SPTLC3: variants seen among roughly 807,000 people sequenced by gnomAD.
SPTLC3 encodes the protein serine palmitoyltransferase long chain base subunit 3.
A neutral mutation model predicts 59.3 loss-of-function variants in SPTLC3; 36 were observed. The ratio of observed to expected loss-of-function variants is 0.61; its 90% CI spans 0.47 to 0.80. The LOEUF is 0.80. SPTLC3 is among the 30% of genes least tolerant of loss of function. SPTLC3 has a pLI of 0.00. For synonymous variants in SPTLC3, 257 were observed against 240.8 expected (o/e 1.07, Z -0.62); for missense variants, 625 against 685.1 (o/e 0.91, Z 0.98).
chr20:13,129,352 C>A (rs1040687568), intron 9 of SPTLC3, among the ~76,000 whole-genome samples: 2 of 152,202 alleles, frequency 1.3e-5, no homozygotes, highest in African/African-American at 4.8e-5. Flanking sequence ...AGAGTGGCAT[C>A]TTTTCCTCCA....
At chr20:13,090,159 A>G (rs569694597) in intron 4 of SPTLC3, among the ~76,000 whole-genome samples, 1 of 152,318 alleles carries the variant, frequency 6.6e-6, no homozygotes, top group South Asian at 2.1e-4. Flanking sequence ...GCATAAGGGG[A>G]TTATGTTTAA....
intron 2 of SPTLC3, among the ~76,000 whole-genome samples, chr20:13,065,169 T>C (rs1481157448): frequency 6.6e-6 from 1 of 151,968 alleles, no homozygotes; most frequent in African/African-American, 2.4e-5. Flanking sequence ...TTATTAATTG[T>C]CATATTTAAC....
chr20:13,072,167 G>A, intron 2 of SPTLC3, 89 bp from the exon 3 acceptor site: 1 of 1,397,760 alleles, frequency 7.2e-7, no homozygotes, highest in South Asian at 1.4e-5. Flanking sequence ...TATTTCCACA[G>A]CTCTTCCAGG....
At chr20:13,132,393 T>C (rs1424176882) in intron 9 of SPTLC3, among the ~76,000 whole-genome samples, 1 of 152,042 alleles carries the variant, frequency 6.6e-6, no homozygotes, top group Non-Finnish European at 1.5e-5. Context: ...GCCGGGCTGA[T>C]CTTGAGCTCC....
chr20:13,046,371 C>G (rs1987232377), intron 1 of SPTLC3, among the ~76,000 whole-genome samples: 1 of 152,200 alleles, frequency 6.6e-6, no homozygotes, highest in Admixed American at 6.5e-5. Context: ...TGTCTTCTCT[C>G]CAAAAAGCAG....
intron 1 of SPTLC3, among the ~76,000 whole-genome samples, chr20:13,024,203 T>C (rs559171419): frequency 6.6e-6 from 1 of 152,290 alleles, no homozygotes; most frequent in Admixed American, 6.5e-5. Context: ...TTGCCTGAGA[T>C]AAAACATATA....
rs2038628780 is a variant in SPTLC3 at position 13,150,963 on chromosome 20, T to C, written c.1280-3040T>C. Among the ~76,000 whole-genome samples the C allele has an allele frequency of 1.3e-5, 2 of 152,230 alleles. 1 individual carries two copies. Among genetic ancestry groups the C allele is most frequent in the South Asian group, 4.1e-4 (2 of 4,834 alleles). ...TCTTATGAGCTCTCATAACACCAGATAACATTTCTCTACACTGTGCATCCC... is the reference window on the plus strand; with the variant it reads ...TCTTATGAGCTCTCATAACACCAGACAACATTTCTCTACACTGTGCATCCC... On this transcript the variant is annotated intron_variant, in intron 9 of 11. Coordinates refer to ENST00000399002, the MANE Select transcript of SPTLC3 (RefSeq NM_018327.4).
At chr20:13,121,725 AG>A (rs1349969979) in intron 8 of SPTLC3, among the ~76,000 whole-genome samples, 4 of 152,174 alleles carry the variant, frequency 2.6e-5, no homozygotes, top group African/African-American at 9.7e-5. Context: ...GACACTCTCC[AG>A]AAGTTACTCA....
chr20:13,049,097 A>T lies in SPTLC3; in HGVS notation c.270A>T (p.Lys90Asn), dbSNP rs751802074. The T allele has an allele frequency of 2.5e-6, 4 of 1,613,730 alleles. No homozygotes were observed. The African/African-American group carries it at 5.3e-5, about 22-fold the overall frequency. ...RDFLRNWGIE[K>N]CNAAVERKEQ... ...TTTTAAGAAACTGGGGAATAGAAAA[A>T]TGCAACGCAGCTGTGGAAAGAAAAG... is the stretch of plus-strand genomic sequence containing the variant. Residue 90 changes from lysine (K) to asparagine (N), a missense_variant, in exon 2 of 12, where the codon AAA becomes AAT. By Grantham distance (94) the Lys-to-Asn change is moderately conservative (BLOSUM62 0). Transcript: ENST00000399002.
intron 7 of SPTLC3, among the ~76,000 whole-genome samples, chr20:13,111,921 C>G (rs1990254011): frequency 6.6e-6 from 1 of 152,192 alleles, no homozygotes; most frequent in African/African-American, 2.4e-5. Flanking sequence ...ACTCCAGCAG[C>G]AGGGCTTCTT....
rs558661336 is a variant in SPTLC3, at chr20:13,136,714, T to C, written c.1279+9997T>C. Among the ~76,000 whole-genome samples the C allele has an allele frequency of 3.3e-4, 49 of 147,572 alleles. No homozygotes were observed. The South Asian group carries it at 0.01, about 31-fold the overall frequency. On this transcript the variant is annotated intron_variant, in intron 9 of 11. Transcript: ENST00000399002. ...TAAATAAAAGTTATATATATTTATA[T>C]ATAATATATAAATAAAAGTTATATA... is the stretch of plus-strand genomic sequence containing the variant.
chr20:13,071,502 T>C (rs1484692613), intron 2 of SPTLC3, among the ~76,000 whole-genome samples: 2 of 152,192 alleles, frequency 1.3e-5, no homozygotes, highest in Non-Finnish European at 2.9e-5. Context: ...CAAGAACAGT[T>C]TGTATATTTT....
intron 6 of SPTLC3, among the ~76,000 whole-genome samples, chr20:13,105,008 TA>T (rs201071760): frequency 6.6e-6 from 1 of 152,018 alleles, no homozygotes. Flanking sequence ...ATCATTATTT[TA>T]AAAAAAATCC....
At chr20:13,141,960 A>G (rs1600372336) in intron 9 of SPTLC3, among the ~76,000 whole-genome samples, 1 of 152,198 alleles carries the variant, frequency 6.6e-6, no homozygotes, top group Admixed American at 6.5e-5. Flanking sequence ...GCTTACCTAC[A>G]TGTGTGACAA....
intron 2 of SPTLC3, among the ~76,000 whole-genome samples, chr20:13,053,596 C>A (rs1334663201): frequency 6.6e-6 from 1 of 152,030 alleles, no homozygotes. Flanking sequence ...CTCCTCCAAG[C>A]TAAAGAAGCA....
intron 2 of SPTLC3, among the ~76,000 whole-genome samples, chr20:13,054,700 A>G (rs1378225350): frequency 1.3e-5 from 2 of 152,198 alleles, no homozygotes; most frequent in Admixed American, 6.5e-5. Flanking sequence ...TAGTCAACTC[A>G]TTTTTTGACA....
chr20:13,049,171 T>C lies in SPTLC3; in HGVS notation c.303+41T>C, dbSNP rs375216237. 7.5e-6 allele frequency: 12 copies of C among 1,599,308 alleles called. 1 individual carries two copies. In the African/African-American group the frequency reaches 8.0e-5, roughly 11 times the overall value. Reference sequence around the variant, plus strand: ...TCCCTGGATCTTTGTCAATGCCTACTCCTCTCTAAAGTGTTCTCAGAAGTG... The same window carrying C: ...TCCCTGGATCTTTGTCAATGCCTACCCCTCTCTAAAGTGTTCTCAGAAGTG... On this transcript the variant is annotated intron_variant, in intron 2 of 11. Transcript: ENST00000399002.
intron 4 of SPTLC3, among the ~76,000 whole-genome samples, chr20:13,087,976 G>A (rs1989060479): frequency 6.6e-6 from 1 of 152,196 alleles, no homozygotes; most frequent in South Asian, 2.1e-4. Flanking sequence ...GCCTAAAATG[G>A]CATTTTTCTC....
chr20:13,010,672 A>G (rs1278608678), intron 1 of SPTLC3, among the ~76,000 whole-genome samples: 2 of 152,176 alleles, frequency 1.3e-5, no homozygotes, highest in Non-Finnish European at 2.9e-5. Flanking sequence ...CCACTTATGC[A>G]TCACTAAATA....
Sources: gnomAD v4.1 joint callset for allele counts (sites outside exome capture counted in the v4.1 genomes callset) on GRCh38, gnomAD v4.1.1 for gene constraint, MANE v1.5 for transcripts, NCBI Gene and HGNC (gene_info 2026-07-23, HGNC 2026-07-21) for gene names.